Variants in SP100 observed in about 807,000 individuals in gnomAD.
SP100 encodes nuclear autoantigen Sp-100.
SP100 carries 84 observed loss-of-function variants against 130.0 expected under a neutral mutation model. The ratio of observed to expected loss-of-function variants is 0.65; its 90% CI spans 0.54 to 0.77. The LOEUF is 0.77. Among genes scored for constraint, SP100 ranks in the 30% least tolerant of loss-of-function variants. SP100 has a pLI of 0.00. For missense variants in SP100, 978 were observed against 1,052.2 expected, an observed-to-expected ratio of 0.93 and a Z score of 0.97; for synonymous variants, 331 against 351.7, an observed-to-expected ratio of 0.94 and a Z score of 0.66.
At chr2:230,437,819 G>T (rs2063340215) in intron 2 of SP100, among the ~76,000 whole-genome samples, 1 of 152,124 alleles carries the variant, frequency 6.6e-6, no homozygotes, top group Non-Finnish European at 1.5e-5. Context: ...GCCTCCTAAA[G>T]CTCTGGGATT....
Position 230,507,977 on chromosome 2 carries a change from CTCT to C in SP100, c.2014-14_2014-12del, listed in dbSNP as rs1214448293. On this transcript the variant is annotated splice_polypyrimidine_tract_variant and intron_variant, in intron 22 of 28. Transcript: ENST00000340126. ...AGCAAGAACCCATCAAATCATTTAT[CTCT>C]TTTCTTTTTTAGAACAAATTTCTGC... 1.2e-6 allele frequency: 2 copies of C among 1,611,806 alleles called. No homozygotes were observed. The highest frequency in any genetic ancestry group is 1.7e-6 in the Non-Finnish European group (2 of 1,178,752).
chr2:230,468,570 T>C (rs56136530), intron 13 of SP100, among the ~76,000 whole-genome samples: 20,227 of 99,498 alleles, frequency 0.2, 1,769 homozygotes, highest in Middle Eastern at 0.3. Flanking sequence ...TTTGGGAGGC[T>C]GAGGGGCTGA....
intron 1 of SP100, 87 bp downstream of exon 1, chr2:230,416,415 C>A: frequency 9.0e-7 from 1 of 1,108,740 alleles, no homozygotes; most frequent in Non-Finnish European, 1.3e-6. Flanking sequence ...CCTAAGGCTT[C>A]ACTTTAATCC....
chr2:230,443,086 A>G lies in SP100; in HGVS notation c.257A>G (p.Asn86Ser), dbSNP rs1441113825. ...EGLRDRDLIT[N>S]KMFEDSQDSC... is the part of the protein sequence containing the mutation. ...CTCCGTGATCGTGATCTCATCACAA[A>G]TAAAATGTTTGAAGTAAGTAAAGTT... is the stretch of plus-strand genomic sequence containing the variant. Residue 86 changes from asparagine to serine, a missense_variant, in exon 3 of 29, where the codon AAT becomes AGT. By Grantham distance (46) the Asn-to-Ser change is conservative. Transcript: ENST00000340126. 1 of 1,613,918 alleles carries G rather than the reference A, an allele frequency of 6.2e-7. No homozygotes were observed. Among genetic ancestry groups the G allele is most frequent in the Non-Finnish European group, 8.5e-7 (1 of 1,179,920 alleles).
intron 2 of SP100, among the ~76,000 whole-genome samples, chr2:230,440,951 T>A (rs959132109): frequency 1.3e-5 from 2 of 151,938 alleles, no homozygotes; most frequent in Non-Finnish European, 2.9e-5. Flanking sequence ...AGTCATTAAT[T>A]ATAAAAGAAA....
intron 15 of SP100, among the ~76,000 whole-genome samples, chr2:230,472,427 C>CAAAAAAAAA (rs201703163): frequency 1.1e-4 from 7 of 61,318 alleles, no homozygotes; most frequent in African/African-American, 1.7e-4. Context: ...GACTCCGTCT[C>CAAAAAAAAA]AAAAAAAAAA....
chr2:230,432,178 A>G (rs923547780), intron 2 of SP100, among the ~76,000 whole-genome samples: 2 of 152,118 alleles, frequency 1.3e-5, no homozygotes, highest in Non-Finnish European at 2.9e-5. Flanking sequence ...ATCGAACGTA[A>G]TATTTTGAAG....
rs35267851 is a variant in SP100, at chr2:230,496,557, TA to T, written c.1646-1895del. Reference sequence around the variant, plus strand: ...AAAAGTAATTGTGGGTTTTGCCTTTTAAAAAAAAAGGGAATAGCAAAAACTG... The same window carrying T: ...AAAAGTAATTGTGGGTTTTGCCTTTTAAAAAAAAGGGAATAGCAAAAACTG... On this transcript the variant is annotated intron_variant, in intron 18 of 28. Transcript: ENST00000340126. 1.6e-4 allele frequency among the ~76,000 whole-genome samples: 24 copies of T among 151,026 alleles called. No homozygotes were observed. The East Asian group carries it at 3.1e-3, about 20-fold the overall frequency.
At chr2:230,480,622 G>C (rs998343647) in intron 17 of SP100, among the ~76,000 whole-genome samples, 1 of 152,182 alleles carries the variant, frequency 6.6e-6, no homozygotes, top group African/African-American at 2.4e-5. Context: ...GATGAGGTAG[G>C]GGGTAGACGG....
chr2:230,496,803 C>G (rs2066695044), intron 18 of SP100, among the ~76,000 whole-genome samples: 1 of 152,174 alleles, frequency 6.6e-6, no homozygotes, highest in Admixed American at 6.5e-5. Flanking sequence ...TCAACTCATC[C>G]ATCCAAGTGA....
chr2:230,417,775 G>C lies in SP100; in HGVS notation c.107+110G>C, dbSNP rs2062652467. The C allele has an allele frequency of 4.1e-6, 6 of 1,453,406 alleles. No homozygotes were observed. The Admixed American group carries it at 1.6e-4, about 38-fold the overall frequency. 90.0% of individuals were successfully genotyped at this position (1,453,406 alleles called of 1,614,324 possible). On this transcript the variant is annotated intron_variant, in intron 2 of 28. Coordinates refer to ENST00000340126, the MANE Select transcript of SP100 (RefSeq NM_001080391.2). ...ATTTAAATTCCCTCTTCTATAAATT[G>C]CTTGTTTGTTTTTTGCCAATATGAT...
At chr2:230,515,806 A>G (rs1312978763) in intron 24 of SP100, 1 of 1,444,090 alleles carries the variant, frequency 6.9e-7, no homozygotes, top group Non-Finnish European at 9.0e-7. Flanking sequence ...ATGTGTCTTC[A>G]GATAGCCCTG....
At chr2:230,495,227 T>C (rs2066601428) in intron 18 of SP100, among the ~76,000 whole-genome samples, 1 of 152,130 alleles carries the variant, frequency 6.6e-6, no homozygotes. Context: ...GGACAGAACA[T>C]GGAGAAACAG....
intron 17 of SP100, among the ~76,000 whole-genome samples, chr2:230,476,507 G>T (rs1381184068): frequency 1.3e-5 from 2 of 151,778 alleles, no homozygotes; most frequent in Admixed American, 1.3e-4. Flanking sequence ...TGCTCATGTT[G>T]CTTTATTCTG....
chr2:230,474,432 C>A lies in SP100; in HGVS notation c.1585C>A (p.His529Asn). ...DVENNSTLEK[H>N]SGKRRKKRRH... ...TGAAAACAATTCTACTTTGGAAAAA[C>A]ACAGTGGGAAAAGAAGTAAGAACAA... The change falls in exon 17 of 29, where the codon CAC becomes AAC. Residue 529 changes from histidine (H) to asparagine (N), a missense_variant. Transcript: ENST00000340126. 2.0e-6 allele frequency: 3 copies of A among 1,507,698 alleles called. No homozygotes were observed. The highest frequency in any genetic ancestry group is 1.4e-5 in the African/African-American group (1 of 72,118). 93.4% of individuals were successfully genotyped at this position (1,507,698 alleles called of 1,614,324 possible).
intron 17 of SP100, among the ~76,000 whole-genome samples, chr2:230,477,321 GAGA>G (rs762781142): frequency 1.8e-4 from 27 of 152,158 alleles, no homozygotes; most frequent in Non-Finnish European, 3.8e-4. Flanking sequence ...TTTTGTCCTA[GAGA>G]AGTTTTAAAT....
intron 25 of SP100, among the ~76,000 whole-genome samples, chr2:230,540,149 C>G (rs1264147558): frequency 6.6e-6 from 1 of 152,156 alleles, no homozygotes; most frequent in Admixed American, 6.5e-5. Flanking sequence ...CTTGTATAGC[C>G]CCTATCTCTG....
At chr2:230,539,246 T>C in intron 24 of SP100, 21 bp from the exon 25 acceptor site, 1 of 1,506,368 alleles carries the variant, frequency 6.6e-7, no homozygotes, top group Non-Finnish European at 9.2e-7. Context: ...ATCCCGGTGA[T>C]GTCTACATCT....
At chr2:230,434,403 G>C (rs73000227) in intron 2 of SP100, among the ~76,000 whole-genome samples, 1 of 151,990 alleles carries the variant, frequency 6.6e-6, no homozygotes, top group Non-Finnish European at 1.5e-5. Context: ...GCATTTATGA[G>C]CATCTAATCA....
Sources: allele counts gnomAD v4.1 joint callset (sites outside exome capture counted in the v4.1 genomes callset), GRCh38; gene constraint gnomAD v4.1.1; transcripts MANE v1.5; gene names NCBI Gene and HGNC (gene_info 2026-07-23, HGNC 2026-07-21).